Variants in PUM1 observed in about 807,000 individuals in gnomAD.
PUM1 encodes pumilio homolog 1.
Under a neutral mutation model 131.8 loss-of-function variants are expected in PUM1, and 13 were observed. The ratio of observed to expected loss-of-function variants is 0.10; its 90% CI spans 0.06 to 0.16. The LOEUF is 0.16. PUM1 is among the 10% of genes least tolerant of loss of function. The probability of loss-of-function intolerance (pLI) is 1.00; values close to 1 mark genes in which losing one functional copy is unlikely to be tolerated. For synonymous variants in PUM1, 509 were observed against 556.5 expected, an observed-to-expected ratio of 0.91 and a Z score of 1.20; for missense variants, 961 against 1,512.4, an observed-to-expected ratio of 0.64 and a Z score of 6.05.
At chr1:31,046,516 T>C (rs1352254117) in intron 2 of PUM1, among the ~76,000 whole-genome samples, 1 of 146,976 alleles carries the variant, frequency 6.8e-6, no homozygotes, top group Non-Finnish European at 1.5e-5. Context: ...TTTTGGTTTT[T>C]TTTTTTTTTG....
intron 7 of PUM1, among the ~76,000 whole-genome samples, chr1:30,987,485 G>A (rs548223346): frequency 3.7e-4 from 57 of 152,208 alleles, no homozygotes; most frequent in African/African-American, 1.2e-3. Context: ...GTGAGCCACC[G>A]CGCCTAGCCA....
intron 9 of PUM1, among the ~76,000 whole-genome samples, chr1:30,977,586 A>G (rs1340260706): frequency 6.6e-6 from 1 of 152,226 alleles, no homozygotes; most frequent in South Asian, 2.1e-4. Flanking sequence ...TGCCCACTTC[A>G]ATTCCTGTGT....
intron 14 of PUM1, among the ~76,000 whole-genome samples, chr1:30,954,669 TCCAACAA>T (rs963153078): frequency 1.3e-5 from 2 of 152,204 alleles, no homozygotes; most frequent in African/African-American, 4.8e-5. Context: ...TGACTGTAGT[TCCAACAA>T]CCTTCATGCC....
intron 15 of PUM1, among the ~76,000 whole-genome samples, chr1:30,952,869 G>C (rs956579062): frequency 6.6e-6 from 1 of 151,846 alleles, no homozygotes; most frequent in South Asian, 2.1e-4. Flanking sequence ...TCAGCTACTC[G>C]GGAGGCTGAA....
chr1:31,052,100 C>A (rs1345002378), intron 2 of PUM1, among the ~76,000 whole-genome samples: 1 of 152,054 alleles, frequency 6.6e-6, no homozygotes, highest in Non-Finnish European at 1.5e-5. Context: ...GCAAGCTCCA[C>A]CTCCCGGGTT....
At chr1:30,986,742 T>C (rs1338245000) in intron 7 of PUM1, among the ~76,000 whole-genome samples, 3 of 152,310 alleles carry the variant, frequency 2.0e-5, no homozygotes, top group Middle Eastern at 3.4e-3. Context: ...ACAATAGAAG[T>C]TAAGCTTCAA....
intron 7 of PUM1, among the ~76,000 whole-genome samples, chr1:30,986,607 A>C (rs769609484): frequency 2.6e-4 from 40 of 152,302 alleles, no homozygotes; most frequent in Middle Eastern, 3.4e-3. Flanking sequence ...CAGATGAAGA[A>C]TCTGATTCCA....
chr1:31,033,554 C>T (rs893696901), intron 2 of PUM1, among the ~76,000 whole-genome samples: 3 of 151,844 alleles, frequency 2.0e-5, no homozygotes, highest in African/African-American at 4.8e-5. Context: ...TTGAAGAAGA[C>T]GAGGTTTTAC....
At chr1:30,933,383 A>C (rs895692118) in intron 21 of PUM1, 41 bp from the exon 22 acceptor site, 2 of 1,589,744 alleles carry the variant, frequency 1.3e-6, no homozygotes, top group African/African-American at 2.7e-5. Context: ...GCCTGAGATG[A>C]GACTTGGGGG....
intron 2 of PUM1, among the ~76,000 whole-genome samples, chr1:31,057,277 C>T (rs1644262055): frequency 6.6e-6 from 1 of 151,740 alleles, no homozygotes; most frequent in African/African-American, 2.4e-5. Flanking sequence ...GTGTTGCAAA[C>T]CTGTAGTCCC....
At chr1:30,999,494 C>T (rs997111921) in intron 5 of PUM1, among the ~76,000 whole-genome samples, 2 of 151,614 alleles carry the variant, frequency 1.3e-5, no homozygotes, top group African/African-American at 2.4e-5. Context: ...GTAATCCCAG[C>T]TACTCGGGAG....
chr1:30,994,186 C>T (rs540514892), intron 6 of PUM1, among the ~76,000 whole-genome samples: 58 of 152,250 alleles, frequency 3.8e-4, no homozygotes, highest in African/African-American at 1.1e-3. Flanking sequence ...TGTCCTACAA[C>T]GATGGTCCAA....
chr1:31,008,544 G>C (rs1346713642), intron 3 of PUM1, among the ~76,000 whole-genome samples: 2 of 152,056 alleles, frequency 1.3e-5, no homozygotes, highest in African/African-American at 4.8e-5. Flanking sequence ...GGTAAAATGG[G>C]AAAGAGCCCC....
At chr1:31,014,559 G>A (rs1189646098) in intron 3 of PUM1, among the ~76,000 whole-genome samples, 1 of 151,646 alleles carries the variant, frequency 6.6e-6, no homozygotes, top group Non-Finnish European at 1.5e-5. Context: ...AGGCTGAGGC[G>A]GGCGGATTGC....
At chr1:31,019,053 TA>T in intron 3 of PUM1, among the ~76,000 whole-genome samples, 1 of 152,332 alleles carries the variant, frequency 6.6e-6, no homozygotes, top group South Asian at 2.1e-4. Context: ...TGGTAGCTTT[TA>T]AATTTTAGGA....
At chr1:30,935,308 T>C (rs1470108946) in intron 21 of PUM1, among the ~76,000 whole-genome samples, 1 of 152,174 alleles carries the variant, frequency 6.6e-6, no homozygotes, top group African/African-American at 2.4e-5. Context: ...GGGTCATCAC[T>C]CTATTAAGTA....
intron 3 of PUM1, among the ~76,000 whole-genome samples, chr1:31,010,789 G>T (rs1400538823): frequency 6.6e-6 from 1 of 152,206 alleles, no homozygotes; most frequent in Admixed American, 6.5e-5. Context: ...AATCATGACT[G>T]CAGCTTGTGA....
intron 2 of PUM1, among the ~76,000 whole-genome samples, chr1:31,053,775 CA>C (rs1044694861): frequency 6.6e-6 from 1 of 151,544 alleles, no homozygotes; most frequent in African/African-American, 2.4e-5. Flanking sequence ...TGCGTCCAGC[CA>C]AAAAATGAAA....
At chr1:31,014,503 A>C (rs1570273959) in intron 3 of PUM1, among the ~76,000 whole-genome samples, 1 of 151,796 alleles carries the variant, frequency 6.6e-6, no homozygotes, top group African/African-American at 2.4e-5. Flanking sequence ...TAAAAAAAAA[A>C]GAATTAAAAA....
Sources: gnomAD v4.1 joint callset for allele counts (sites outside exome capture counted in the v4.1 genomes callset) on GRCh38, gnomAD v4.1.1 for gene constraint, MANE v1.5 for transcripts, NCBI Gene and HGNC (gene_info 2026-07-23, HGNC 2026-07-21) for gene names.